The following BMP8B variants were observed in gnomAD, a reference collection of about 807,000 sequenced individuals.
The protein encoded by BMP8B is bone morphogenetic protein 8b, also known as bone morphogenetic protein 8 (osteogenic protein 2).
In BMP8B, 17 loss-of-function variants were observed where a neutral mutation model predicts 30.3. The observed-to-expected ratio is 0.56, with a 90% CI of 0.38 to 0.84. The LOEUF is 0.84. Among genes scored for constraint, BMP8B ranks in the 40% least tolerant of loss-of-function variants. The pLI is 0.00. For missense variants in BMP8B, 253 were observed against 494.6 expected (o/e 0.51, Z 4.63); for synonymous variants, 131 against 214.7 (o/e 0.61, Z 3.41).
chr1:39,782,325 G>C (rs928796765), intron 1 of BMP8B, among the ~76,000 whole-genome samples: 6 of 152,128 alleles, frequency 3.9e-5, no homozygotes, highest in African/African-American at 1.4e-4. Flanking sequence ...CACCCAGGCA[G>C]CCTGGTCAGA....
chr1:39,760,753 G>C (rs1026779484), intron 6 of BMP8B, among the ~76,000 whole-genome samples, 185 bp from the exon 7 acceptor site: 1 of 152,158 alleles, frequency 6.6e-6, no homozygotes, highest in African/African-American at 2.4e-5. Context: ...AGTGGGAGCT[G>C]TAGTAACACG....
Position 39,788,305 on chromosome 1 carries a change from G to C in BMP8B, c.181C>G (p.Arg61Gly), listed in dbSNP as rs1569878282. 17 of 1,253,542 alleles carry C rather than the reference G, an allele frequency of 1.4e-5. No homozygotes were observed. The African/African-American group carries it at 1.4e-4, about 11-fold the overall frequency. 77.7% of individuals were successfully genotyped at this position (1,253,542 alleles called of 1,614,324 possible). A position where few individuals can be genotyped will look rare whatever the true frequency, so the allele number is the denominator to read the frequency against. The change falls in exon 1 of 7, where the codon CGC (arginine) becomes GGC (glycine). Residue 61 changes from arginine to glycine, a missense_variant. Physicochemically the swap from Arg to Gly is moderately radical, Grantham distance 125. This residue lies in a region of BMP8B where 2 missense variants were observed against 23.7 expected (regional missense o/e 0.08). Coordinates refer to ENST00000372827, the MANE Select transcript of BMP8B (RefSeq NM_001720.5). The surrounding 1 kb of genome is among the most constrained non-coding windows in gnomAD (Gnocchi z 5.8). Reference protein sequence around the residue: ...VLGLPGRPRPRAPPAASRLPA... With the variant: ...VLGLPGRPRPGAPPAASRLPA... ...AGCCGGGAGGCGGCGGGTGGCGCGC[G>C]GGGCCGGGGCCGCCCAGGCAGCCCG...
chr1:39,766,697 G>C (rs1349601774), intron 3 of BMP8B, among the ~76,000 whole-genome samples: 1 of 143,526 alleles, frequency 7.0e-6, no homozygotes, highest in African/African-American at 2.8e-5. Flanking sequence ...CAGGGAGGCT[G>C]TGAGCTGCAG....
At chr1:39,777,276 A>T (rs1358911818) in intron 1 of BMP8B, among the ~76,000 whole-genome samples, 1 of 152,266 alleles carries the variant, frequency 6.6e-6, no homozygotes, top group African/African-American at 2.4e-5. Context: ...CTACAAAATC[A>T]TAAAAGCTGC....
rs1446006193 is a variant in BMP8B at position 39,777,587 on chromosome 1, TCAA to T, written c.335-2552_335-2550del. 7.9e-5 allele frequency among the ~76,000 whole-genome samples: 12 copies of T among 152,320 alleles called. No individual in the cohort carries two copies. In the East Asian group the frequency reaches 2.3e-3, roughly 29 times the overall value. ...AAACTCTGCGACCCTCAGCCCAACA[TCAA>T]CAAGGGCTCTGGCTATTTTTGTGCT... On this transcript the variant is annotated intron_variant, in intron 1 of 6. Coordinates refer to ENST00000372827, the MANE Select transcript of BMP8B (RefSeq NM_001720.5).
chr1:39,771,254 A>C, intron 3 of BMP8B: 1 of 1,516,354 alleles, frequency 6.6e-7, no homozygotes, highest in South Asian at 1.3e-5. Context: ...CAGCGCCGCC[A>C]TAGTCGGCCC....
At chr1:39,770,674 G>A in intron 3 of BMP8B, 4 of 1,412,594 alleles carry the variant, frequency 2.8e-6, no homozygotes, top group Non-Finnish European at 3.8e-6. Context: ...GGAAGTGGTC[G>A]CCGTTGAACT....
intron 1 of BMP8B, among the ~76,000 whole-genome samples, chr1:39,786,642 CA>C (rs1651000190): frequency 6.6e-6 from 1 of 152,162 alleles, no homozygotes; most frequent in African/African-American, 2.4e-5. Flanking sequence ...ACTCCATCCA[CA>C]ACTCTTCTTG....
rs1649116204 is a variant in BMP8B, at chr1:39,762,392, G to A, written c.1059+700C>T. Reference sequence around the variant, plus strand: ...GAAAACATAAGGCTGTGCAATACCAGGAACTGGGATTCTAGGTAAAAAGTT... The same window carrying A: ...GAAAACATAAGGCTGTGCAATACCAAGAACTGGGATTCTAGGTAAAAAGTT... On this transcript the variant is annotated intron_variant, in intron 6 of 6. Transcript: ENST00000372827. 4 of 1,275,820 alleles carry A rather than the reference G, an allele frequency of 3.1e-6. No individual in the cohort carries two copies. In the East Asian group the frequency reaches 1.0e-4, roughly 33 times the overall value. 79.0% of individuals were successfully genotyped at this position (1,275,820 alleles called of 1,614,324 possible). A position where few individuals can be genotyped will look rare whatever the true frequency, so the allele number is the denominator to read the frequency against.
chr1:39,783,494 C>A (rs1043020101), intron 1 of BMP8B, among the ~76,000 whole-genome samples: 3 of 152,168 alleles, frequency 2.0e-5, no homozygotes, highest in Non-Finnish European at 4.4e-5. Flanking sequence ...AGGACAAATA[C>A]CTTTGGGCAT....
chr1:39,759,203 C>T lies in BMP8B; in HGVS notation c.*1216G>A, dbSNP rs996024571. On this transcript the variant is annotated 3_prime_UTR_variant, in exon 7 of 7. Coordinates refer to ENST00000372827, the MANE Select transcript of BMP8B (RefSeq NM_001720.5). The stretch of plus-strand genomic sequence containing the variant: ...CTGAGACAAACCTCTCCACCCAACT[C>T]AGCCTAATTACTACTTGTCACTCCC... The T allele has an allele frequency of 1.3e-5, 2 of 152,326 alleles. No individual in the cohort carries two copies. Among genetic ancestry groups the T allele is most frequent in the African/African-American group, 4.8e-5 (2 of 41,468 alleles). 9.4% of individuals were successfully genotyped at this position (152,326 alleles called of 1,614,324 possible).
At chr1:39,764,082 A>G (rs1014637904) in intron 4 of BMP8B, among the ~76,000 whole-genome samples, 4 of 150,540 alleles carry the variant, frequency 2.7e-5, no homozygotes, top group African/African-American at 7.4e-5. Flanking sequence ...ACCCTCGGCC[A>G]TCCTGTGCCT....
At chr1:39,770,596 G>A (rs1281116940) in intron 3 of BMP8B, 1 of 1,597,512 alleles carries the variant, frequency 6.3e-7, no homozygotes, top group South Asian at 1.1e-5. Flanking sequence ...TGAAGACCAC[G>A]TTTCCTGCCC....
chr1:39,771,208 G>T (rs547878500), intron 3 of BMP8B: 9 of 1,529,638 alleles, frequency 5.9e-6, no homozygotes, highest in South Asian at 1.2e-5. Flanking sequence ...AGCCGCCGGC[G>T]GGGACCCCGC....
rs1008532832 is a variant in BMP8B, at chr1:39,759,267, C to G, written c.*1152G>C. 2 of 152,478 alleles carry G rather than the reference C, an allele frequency of 1.3e-5. No homozygotes were observed. Among genetic ancestry groups the G allele is most frequent in the Admixed American group, 6.5e-5 (1 of 15,300 alleles). 9.4% of individuals were successfully genotyped at this position (152,478 alleles called of 1,614,324 possible). A position where few individuals can be genotyped will look rare whatever the true frequency, so the allele number is the denominator to read the frequency against. Reference sequence around the variant, plus strand: ...TTCTTTGACTCACAGGCCCAAGACACAGGACAGGGCTGCTGGGCATCCAGG... The same window carrying G: ...TTCTTTGACTCACAGGCCCAAGACAGAGGACAGGGCTGCTGGGCATCCAGG... On this transcript the variant is annotated 3_prime_UTR_variant, in exon 7 of 7. Transcript: ENST00000372827.
chr1:39,770,279 G>A, intron 3 of BMP8B: 1 of 1,564,456 alleles, frequency 6.4e-7, no homozygotes, highest in Non-Finnish European at 8.6e-7. Flanking sequence ...GAAGTTGCTG[G>A]CCAGCAGGGG....
At chr1:39,761,613 G>A (rs1025350772) in intron 6 of BMP8B, among the ~76,000 whole-genome samples, 8 of 151,858 alleles carry the variant, frequency 5.3e-5, no homozygotes, top group African/African-American at 1.7e-4. Flanking sequence ...ACCTCCCTCC[G>A]CCCTCCTCCC....
chr1:39,787,164 G>A (rs1056366150), intron 1 of BMP8B, among the ~76,000 whole-genome samples: 3 of 152,042 alleles, frequency 2.0e-5, no homozygotes, highest in African/African-American at 4.8e-5. Context: ...GATGAAGACC[G>A]TGGCTGTTAT....
intron 3 of BMP8B, chr1:39,770,740 G>C: frequency 9.6e-7 from 1 of 1,036,560 alleles, no homozygotes; most frequent in Non-Finnish European, 1.3e-6. Context: ...GGGTGTAGCG[G>C]ATGGGGGCGC....
Sources: gnomAD v4.1 joint callset for allele counts (sites outside exome capture counted in the v4.1 genomes callset) on GRCh38, gnomAD v4.1.1 for gene constraint, gnomAD v4.1.1 regional missense constraint, Gnocchi (gnomAD v3.1) non-coding constraint, MANE v1.5 for transcripts, NCBI Gene and HGNC (gene_info 2026-07-23, HGNC 2026-07-21) for gene names.